The following TSC2 variants were observed in gnomAD, a reference collection of about 807,000 sequenced individuals.
The protein encoded by TSC2 is tuberin.
In TSC2, 29 loss-of-function variants were observed where a neutral mutation model predicts 202.2. The observed-to-expected ratio is 0.14, with a 90% CI of 0.11 to 0.20. TSC2 has a LOEUF of 0.20. TSC2 is among the 10% of genes least tolerant of loss of function. The pLI is 1.00. For missense variants in TSC2, 2,429 were observed against 2,420.0 expected (o/e 1.00, Z -0.08); for synonymous variants, 1,349 against 1,044.0 (o/e 1.29, Z -5.63).
intron 25 of TSC2, 31 bp from the exon 26 acceptor site, chr16:2,077,567 G>C: frequency 6.2e-7 from 1 of 1,612,100 alleles, no homozygotes; most frequent in Non-Finnish European, 8.5e-7. Flanking sequence ...TGGGCTCTCT[G>C]GGGCGTTGGG....
chr16:2,087,423 C>T lies in TSC2; in HGVS notation c.4990-440C>T, dbSNP rs371783852. On this transcript the variant is annotated intron_variant, in intron 38 of 41. Coordinates refer to ENST00000219476, the MANE Select transcript of TSC2 (RefSeq NM_000548.5). Reference sequence around the variant, plus strand: ...GAACCAAAACCCCGGGGCTGGTAGTCAGAGTCCAGGAGGGGCAGGAGCATA... The same window carrying T: ...GAACCAAAACCCCGGGGCTGGTAGTTAGAGTCCAGGAGGGGCAGGAGCATA... Among the ~76,000 whole-genome samples, 55 of 147,624 alleles carry T rather than the reference C, an allele frequency of 3.7e-4. 1 individual carries two copies. In the South Asian group the frequency reaches 0.01, roughly 27 times the overall value.
chr16:2,075,839 G>A lies in TSC2; in HGVS notation c.2586G>A (p.Ala862=), dbSNP rs752865665. Residue 862 remains alanine, a synonymous_variant, in exon 23 of 42, where the codon GCG becomes GCA. Coordinates refer to ENST00000219476, the MANE Select transcript of TSC2 (RefSeq NM_000548.5). ...CGCACCTCTACAGGAACTTTGCCGC[G>A]GAGCAGTATGCCAGTGTGTTCGCCA... is the stretch of plus-strand genomic sequence containing the variant. ...RLPHLYRNFA[A]EQYASVFAIS... 1.5e-5 allele frequency: 24 copies of A among 1,612,924 alleles called. No homozygotes were observed. The highest frequency in any genetic ancestry group is 1.0e-4 in the Admixed American group (6 of 60,006).
At chr16:2,075,981 G>T in intron 23 of TSC2, 87 bp from the exon 24 acceptor site, 1 of 1,612,264 alleles carries the variant, frequency 6.2e-7, no homozygotes, top group Non-Finnish European at 8.5e-7. Flanking sequence ...TGTCCCCAAG[G>T]CCTGAGCGCC....
chr16:2,050,499 A>G lies in TSC2; in HGVS notation c.225+13A>G. 1 of 1,612,326 alleles carries G rather than the reference A, an allele frequency of 6.2e-7. No individual in the cohort carries two copies. Among genetic ancestry groups the G allele is most frequent in the Non-Finnish European group, 8.5e-7 (1 of 1,178,820 alleles). ...GAAATTTGAAGAGGTAGGTTTATCC[A>G]GTTGAGCTACTAGAGAGAGGCACGT... On this transcript the variant is annotated intron_variant, in intron 3 of 41. Coordinates refer to ENST00000219476, the MANE Select transcript of TSC2 (RefSeq NM_000548.5).
intron 22 of TSC2, chr16:2,075,009 A>G: frequency 6.2e-6 from 1 of 161,250 alleles, no homozygotes; most frequent in South Asian, 1.7e-4. Flanking sequence ...TGAGGTCAGG[A>G]GTTCGAGACC....
At chr16:2,074,441 C>T (rs2151358131) in intron 22 of TSC2, 52 bp downstream of exon 22, 1 of 1,596,546 alleles carries the variant, frequency 6.3e-7, no homozygotes. Context: ...GGCTGTGTAA[C>T]CTGTGCGGGC....
At chr16:2,056,909 C>G (rs1197341760) in intron 8 of TSC2, 140 bp downstream of exon 8, 3 of 1,483,316 alleles carry the variant, frequency 2.0e-6, no homozygotes, top group Non-Finnish European at 2.8e-6. Context: ...TGTCATTTTC[C>G]CAGGCAGTTG....
At chr16:2,076,292 G>A in intron 24 of TSC2, 122 bp downstream of exon 24, 1 of 1,564,612 alleles carries the variant, frequency 6.4e-7, no homozygotes, top group African/African-American at 1.4e-5. Context: ...GTTTGGGGCT[G>A]TGCCTGTGGC....
chr16:2,083,946 T>G, intron 33 of TSC2, 130 bp downstream of exon 33: 1 of 1,436,544 alleles, frequency 7.0e-7, no homozygotes, highest in Non-Finnish European at 9.2e-7. Context: ...TCCACATCCC[T>G]CGTGCACAGA....
chr16:2,059,026 G>C (rs1007212501), intron 10 of TSC2, among the ~76,000 whole-genome samples, 153 bp downstream of exon 10: 1 of 151,586 alleles, frequency 6.6e-6, no homozygotes, highest in East Asian at 2.0e-4. Context: ...GTGAGGTTTG[G>C]GGCCCTTTGT....
chr16:2,081,044 G>T (rs2090083709), intron 30 of TSC2: 1 of 192,522 alleles, frequency 5.2e-6, no homozygotes, highest in South Asian at 1.0e-4. Flanking sequence ...ATCTCCTCTT[G>T]GGAGGAAACC....
intron 21 of TSC2, among the ~76,000 whole-genome samples, chr16:2,073,725 C>T (rs1176157223): frequency 6.6e-6 from 1 of 152,266 alleles, no homozygotes; most frequent in South Asian, 2.1e-4. Flanking sequence ...TGAGGCCTTA[C>T]TGGCCCACAG....
At chr16:2,053,667 C>T in intron 4 of TSC2, 1 of 676,688 alleles carries the variant, frequency 1.5e-6, no homozygotes, top group South Asian at 1.5e-5. Context: ...AACAGATGGT[C>T]ACTGCACCTT....
intron 36 of TSC2, among the ~76,000 whole-genome samples, chr16:2,085,670 C>A (rs1335648815): frequency 6.6e-6 from 1 of 152,180 alleles, no homozygotes; most frequent in African/African-American, 2.4e-5. Context: ...GCATCCCACA[C>A]ACCAGCAGCG....
rs1294656269 is a variant in TSC2, at chr16:2,079,220, G to A, written c.3131+24G>A. 2.5e-6 allele frequency: 4 copies of A among 1,612,832 alleles called. No individual in the cohort carries two copies. Among genetic ancestry groups the A allele is most frequent in the Non-Finnish European group, 3.4e-6 (4 of 1,180,012 alleles). On this transcript the variant is annotated intron_variant, in intron 27 of 41. Coordinates refer to ENST00000219476, the MANE Select transcript of TSC2 (RefSeq NM_000548.5). This position sits in a 1 kb window ranked among gnomAD's most constrained non-coding sequence, Gnocchi z 4.6. ...AGGTCCAGGCGGCACTACAGGGCTG[G>A]GCGGGCCTGCGGGAGCTCCACGGGC...
In TSC2 at chr16:2,056,695, G is replaced by C. The variant is rs397515018; in HGVS notation, c.700G>C (p.Glu234Gln). The stretch of plus-strand genomic sequence containing the variant: ...GGTCTGCTACAACTGCCTGCCGGCT[G>C]AGAGCCTCCCGCTGTTCATCGTTAC... ...AVVCYNCLPA[E>Q]SLPLFIVTLC... Residue 234 changes from glutamate (E) to glutamine (Q), a missense_variant, in exon 8 of 42, where the codon GAG (glutamate) becomes CAG (glutamine). Coordinates refer to ENST00000219476, the MANE Select transcript of TSC2 (RefSeq NM_000548.5). 3 of 1,612,590 alleles carry C rather than the reference G, an allele frequency of 1.9e-6. No homozygotes were observed. The highest frequency in any genetic ancestry group is 2.5e-6 in the Non-Finnish European group (3 of 1,180,024).
intron 17 of TSC2, among the ~76,000 whole-genome samples, chr16:2,071,193 C>T (rs573436542): frequency 5.5e-4 from 84 of 152,344 alleles, no homozygotes; most frequent in African/African-American, 1.9e-3. Flanking sequence ...GCTCCGCTTT[C>T]TGGCAGTTGG....
chr16:2,048,883 T>C (rs1487509572), intron 2 of TSC2, 130 bp downstream of exon 2: 4 of 1,317,916 alleles, frequency 3.0e-6, no homozygotes, highest in African/African-American at 1.5e-5. Context: ...TCTCCAGTAC[T>C]TGGAGGCCGA....
intron 16 of TSC2, 96 bp downstream of exon 16, chr16:2,065,731 A>G: frequency 9.1e-7 from 1 of 1,100,670 alleles, no homozygotes; most frequent in Non-Finnish European, 1.4e-6. Flanking sequence ...CCCCAGCGGG[A>G]CCCACACCCT....
Sources: allele counts gnomAD v4.1 joint callset (sites outside exome capture counted in the v4.1 genomes callset), GRCh38; gene constraint gnomAD v4.1.1; non-coding constraint Gnocchi (gnomAD v3.1); transcripts MANE v1.5; gene names NCBI Gene and HGNC (gene_info 2026-07-23, HGNC 2026-07-21).